Variants in TRIM8 observed in about 807,000 individuals in gnomAD.
TRIM8 encodes the protein E3 ubiquitin-protein ligase TRIM8.
TRIM8 carries 9 observed loss-of-function variants against 55.7 expected under a neutral mutation model. The ratio of observed to expected loss-of-function variants is 0.16; its 90% confidence interval spans 0.10 to 0.28. The LOEUF is 0.28. Ranked by LOEUF, TRIM8 falls within the 10% of genes least tolerant of loss-of-function variation. The pLI is 1.00. For missense variants in TRIM8, 556 were observed against 736.4 expected (o/e 0.76, Z 2.83); for synonymous variants, 335 against 333.3 (o/e 1.01, Z -0.06).
At position 102,656,227 on chromosome 10, in the gene TRIM8, G is replaced by C. The variant is rs753997788; in HGVS notation, c.933-43G>C. 2.6e-5 allele frequency: 42 copies of C among 1,613,940 alleles called. No homozygotes were observed. In the East Asian group the frequency reaches 8.2e-4, roughly 32 times the overall value. On this transcript the variant is annotated intron_variant, in intron 4 of 5. Transcript: ENST00000643721. This position sits in a 1 kb window ranked among gnomAD's most constrained non-coding sequence, Gnocchi z 4.6. ...GGCGGGGAGGTAGGGCGGGCTCACC[G>C]GTGATGCCTCCTCACAGCAGATGCC...
In TRIM8 at chr10:102,657,102, T is replaced by C; in HGVS notation, c.1404T>C (p.Cys468=). The change falls in exon 6 of 6, where the codon TGT becomes TGC. Residue 468 remains cysteine (C), a synonymous_variant. Coordinates refer to ENST00000643721, the MANE Select transcript of TRIM8 (RefSeq NM_030912.3). ...ATGGCGGCCGCAAGATTCTCGTCTG[T>C]TCTGTGGACAACTGTTACTGTTCTT... ...PQYGGRKILV[C]SVDNCYCSSV... is the part of the protein sequence containing the mutation. 6.2e-7 allele frequency: 1 copy of C among 1,613,802 alleles called. No individual in the cohort carries two copies. Among genetic ancestry groups the C allele is most frequent in the Admixed American group, 1.7e-5 (1 of 60,016 alleles).
At position 102,656,937 on chromosome 10, in the gene TRIM8, G is replaced by T; in HGVS notation, c.1239G>T (p.Gly413=). 1 of 1,609,046 alleles carries T rather than the reference G, an allele frequency of 6.2e-7. No individual in the cohort carries two copies. The highest frequency in any genetic ancestry group is 8.5e-7 in the Non-Finnish European group (1 of 1,177,482). Residue 413 remains glycine, a synonymous_variant, in exon 6 of 6, where the codon GGG becomes GGT. Transcript: ENST00000643721. This position sits in a 1 kb window ranked among gnomAD's most constrained non-coding sequence, Gnocchi z 4.6. ...AGTASGEGQS[G]QPLGPCSSTQ... is the part of the protein sequence containing the mutation. The stretch of plus-strand genomic sequence containing the variant: ...CAGCCAGCGGTGAGGGCCAGTCTGG[G>T]CAGCCCCTGGGGCCCTGCAGCTCCA...
intron 1 of TRIM8, among the ~76,000 whole-genome samples, chr10:102,650,479 T>TGGG (rs1232664276): frequency 6.6e-6 from 1 of 152,032 alleles, no homozygotes; most frequent in African/African-American, 2.4e-5. Flanking sequence ...CAGGCAGGGC[T>TGGG]GGGGGTGTGA....
chr10:102,645,457 G>A, intron 1 of TRIM8: 1 of 364,326 alleles, frequency 2.7e-6, no homozygotes, highest in Non-Finnish European at 5.0e-6. Context: ...CAGGGGTAGA[G>A]TCTGGGTGTT....
rs545802670 is a variant in TRIM8 at position 102,657,367 on chromosome 10, G to T, written c.*13G>T. Reference sequence around the variant, plus strand: ...CGTGACGAGCTAACGCCACGCAGGCGGCGGGGCGCTGGGGAATCTTCCTCC... The same window carrying T: ...CGTGACGAGCTAACGCCACGCAGGCTGCGGGGCGCTGGGGAATCTTCCTCC... On this transcript the variant is annotated 3_prime_UTR_variant, in exon 6 of 6. Coordinates refer to ENST00000643721, the MANE Select transcript of TRIM8 (RefSeq NM_030912.3). 6.5e-7 allele frequency: 1 copy of T among 1,541,290 alleles called. No individual in the cohort carries two copies. Among genetic ancestry groups the T allele is most frequent in the Non-Finnish European group, 8.8e-7 (1 of 1,140,744 alleles).
chr10:102,656,896 T>G lies in TRIM8; in HGVS notation c.1198T>G (p.Tyr400Asp), dbSNP rs2064029995. The G allele has an allele frequency of 1.9e-6, 3 of 1,593,726 alleles. No individual in the cohort carries two copies. The change falls in exon 6 of 6, where the codon TAC becomes GAC. Residue 400 changes from tyrosine (Y) to aspartate (D), a missense_variant. Around this residue, in one of 2 missense-constraint regions of TRIM8, gnomAD observed 391 missense variants for 441.0 expected, o/e 0.89. Transcript: ENST00000643721. This position sits in a 1 kb window ranked among gnomAD's most constrained non-coding sequence, Gnocchi z 4.6. Reference sequence around the variant, plus strand: ...GTCGTCGGGCCCTGTGGGCGGCCAGTACGGGGCGGCGGGCACAGCCAGCGG... The same window carrying G: ...GTCGTCGGGCCCTGTGGGCGGCCAGGACGGGGCGGCGGGCACAGCCAGCGG... ...ETSSGPVGGQ[Y>D]GAAGTASGEG...
At chr10:102,650,064 G>A (rs1206961815) in intron 1 of TRIM8, among the ~76,000 whole-genome samples, 1 of 150,486 alleles carries the variant, frequency 6.6e-6, no homozygotes, top group African/African-American at 2.5e-5. Context: ...GCTAGCCATG[G>A]TCTTGTCTGA....
rs1212534889 is a variant in TRIM8, at chr10:102,658,242, C to T, written c.*888C>T. The T allele has an allele frequency of 2.0e-5, 3 of 152,206 alleles. No homozygotes were observed. Among genetic ancestry groups the T allele is most frequent in the South Asian group, 2.1e-4 (1 of 4,834 alleles). The allele number at this position is 152,206 out of a possible 1,614,324, so 9.4% of individuals were successfully genotyped here. A position where few individuals can be genotyped will look rare whatever the true frequency, so the allele number is the denominator to read the frequency against. On this transcript the variant is annotated 3_prime_UTR_variant, in exon 6 of 6. Transcript: ENST00000643721. The stretch of plus-strand genomic sequence containing the variant: ...AATCGTGGACTTCCTGTTCTCAAGG[C>T]GCAGGTATTTATTCTGTATCTGTCT...
rs1224715710 is a variant in TRIM8, at chr10:102,656,779, A to C, written c.1081A>C (p.Ser361Arg). 6.6e-7 allele frequency: 1 copy of C among 1,512,888 alleles called. No individual in the cohort carries two copies. Among genetic ancestry groups the C allele is most frequent in the East Asian group, 2.3e-5 (1 of 43,806 alleles). The allele number at this position is 1,512,888 out of a possible 1,614,324, so 93.7% of individuals were successfully genotyped here. Residue 361 changes from serine (S) to arginine (R), a missense_variant, in exon 6 of 6, where the codon AGT (serine) becomes CGT (arginine). By Grantham distance (110) the Ser-to-Arg change is moderately radical. Around this residue, in one of 2 missense-constraint regions of TRIM8, gnomAD observed 391 missense variants for 441.0 expected, o/e 0.89. Coordinates refer to ENST00000643721, the MANE Select transcript of TRIM8 (RefSeq NM_030912.3). The surrounding 1 kb of genome is among the most constrained non-coding windows in gnomAD (Gnocchi z 4.6). Reference sequence around the variant, plus strand: ...CAGCACGCCGGTGCCCTTCCTGCAGAGTGTCCCCCTGTACCCTTGCGGCGT... The same window carrying C: ...CAGCACGCCGGTGCCCTTCCTGCAGCGTGTCCCCCTGTACCCTTGCGGCGT... ...PFSTPVPFLQ[S>R]VPLYPCGVSS...
At position 102,644,590 on chromosome 10, in the gene TRIM8, C is replaced by G. The variant is rs1474008090; in HGVS notation, c.-28C>G. On this transcript the variant is annotated 5_prime_UTR_variant, in exon 1 of 6. Transcript: ENST00000643721. ...CCCGGGGCTGGGGAGTCGGGGAGGCCTGCCCCGGCCCCCTGCCCGCGGCCG... is the reference window on the plus strand; with the variant it reads ...CCCGGGGCTGGGGAGTCGGGGAGGCGTGCCCCGGCCCCCTGCCCGCGGCCG... 6.2e-7 allele frequency: 1 copy of G among 1,603,134 alleles called. No homozygotes were observed. The highest frequency in any genetic ancestry group is 8.5e-7 in the Non-Finnish European group (1 of 1,175,864).
At chr10:102,655,019 G>C (rs771232152) in intron 2 of TRIM8, 61 bp from the exon 3 acceptor site, 80 of 1,561,504 alleles carry the variant, frequency 5.1e-5, no homozygotes, top group Non-Finnish European at 6.1e-5. Flanking sequence ...GGTAAGAGGG[G>C]GGGAAACCAA....
At chr10:102,655,512 A>G (rs942451777) in intron 3 of TRIM8, among the ~76,000 whole-genome samples, 199 bp downstream of exon 3, 6 of 152,204 alleles carry the variant, frequency 3.9e-5, no homozygotes, top group Non-Finnish European at 5.9e-5. Context: ...TCCCTCACCT[A>G]CGAAGTGGTG....
At position 102,645,115 on chromosome 10, in the gene TRIM8, C is replaced by T; in HGVS notation, c.498C>T (p.Tyr166=). The T allele has an allele frequency of 6.3e-7, 1 of 1,591,338 alleles. No individual in the cohort carries two copies. Among genetic ancestry groups the T allele is most frequent in the Non-Finnish European group, 8.5e-7 (1 of 1,176,536 alleles). ...CEAEQVAVCQ[Y]CCYYSGAHQG... ...CCGAGCAGGTGGCCGTGTGCCAGTA[C>T]TGCTGCTACTACAGCGGCGCGCATC... The change falls in exon 1 of 6, where the codon TAC becomes TAT. Residue 166 remains tyrosine, a synonymous_variant. Coordinates refer to ENST00000643721, the MANE Select transcript of TRIM8 (RefSeq NM_030912.3).
chr10:102,645,230 C>T, intron 1 of TRIM8, 43 bp downstream of exon 1: 1 of 1,467,170 alleles, frequency 6.8e-7, no homozygotes, highest in African/African-American at 1.4e-5. Flanking sequence ...CACACACAGA[C>T]ACACAGTCCC....
Position 102,656,483 on chromosome 10 carries a change from G to GA in TRIM8, c.1048+99dup. ...CAAGAGGCAGTGTGGCCCAGTCTGGGAGACCTGTCCTCATATCCAGGCTTT... is the reference window on the plus strand; with the variant it reads ...CAAGAGGCAGTGTGGCCCAGTCTGGGAAGACCTGTCCTCATATCCAGGCTTT... On this transcript the variant is annotated intron_variant, in intron 5 of 5. Transcript: ENST00000643721. This position sits in a 1 kb window ranked among gnomAD's most constrained non-coding sequence, Gnocchi z 4.6. 6.6e-7 allele frequency: 1 copy of GA among 1,507,972 alleles called. No individual in the cohort carries two copies. Among genetic ancestry groups the GA allele is most frequent in the Non-Finnish European group, 8.9e-7 (1 of 1,122,060 alleles). The allele number at this position is 1,507,972 out of a possible 1,614,324, so 93.4% of individuals were successfully genotyped here.
Position 102,658,164 on chromosome 10 carries a change from G to C in TRIM8, c.*810G>C, listed in dbSNP as rs1310541107. The stretch of plus-strand genomic sequence containing the variant: ...AGGGAGGAGGGGCTGCCCGGAGTTG[G>C]GTCCTTGCCTGGATTTTGACACAGC... On this transcript the variant is annotated 3_prime_UTR_variant, in exon 6 of 6. Coordinates refer to ENST00000643721, the MANE Select transcript of TRIM8 (RefSeq NM_030912.3). 1.3e-5 allele frequency: 2 copies of C among 152,182 alleles called. No individual in the cohort carries two copies. The highest frequency in any genetic ancestry group is 4.8e-5 in the African/African-American group (2 of 41,430). The allele number at this position is 152,182 out of a possible 1,614,324, so 9.4% of individuals were successfully genotyped here.
Position 102,656,351 on chromosome 10 carries a change from C to G in TRIM8, c.1014C>G (p.Ala338=). 1 of 1,613,990 alleles carries G rather than the reference C, an allele frequency of 6.2e-7. No homozygotes were observed. Among genetic ancestry groups the G allele is most frequent in the South Asian group, 1.1e-5 (1 of 91,068 alleles). ...CCAAGCTCTTCCTGAACGAAGTGGC[C>G]AAGAAGGAGAAGCAGCTGCGGAAAA... The part of the protein sequence containing the change: ...LNSKLFLNEV[A]KKEKQLRKML... Residue 338 remains alanine (A), a synonymous_variant, in exon 5 of 6, where the codon GCC becomes GCG. Transcript: ENST00000643721. This position sits in a 1 kb window ranked among gnomAD's most constrained non-coding sequence, Gnocchi z 4.6.
At chr10:102,646,848 A>G (rs932366386) in intron 1 of TRIM8, among the ~76,000 whole-genome samples, 3 of 151,982 alleles carry the variant, frequency 2.0e-5, no homozygotes, top group Non-Finnish European at 4.4e-5. Context: ...GGGAAAGGAG[A>G]TGTGGCTGAA....
At chr10:102,648,207 G>A (rs557532013) in intron 1 of TRIM8, among the ~76,000 whole-genome samples, 76 of 152,240 alleles carry the variant, frequency 5.0e-4, no homozygotes, top group African/African-American at 1.8e-3. Context: ...ACCCCTCCTA[G>A]CCCCCAGGTT....
Sources: gnomAD v4.1 joint callset for allele counts (sites outside exome capture counted in the v4.1 genomes callset) on GRCh38, gnomAD v4.1.1 for gene constraint, gnomAD v4.1.1 regional missense constraint, Gnocchi (gnomAD v3.1) non-coding constraint, MANE v1.5 for transcripts, NCBI Gene and HGNC (gene_info 2026-07-23, HGNC 2026-07-21) for gene names.